HS6ST3: variants seen among roughly 807,000 people sequenced by gnomAD.
HS6ST3 encodes heparan-sulfate 6-O-sulfotransferase 3.
Under a neutral mutation model 36.7 loss-of-function variants are expected in HS6ST3, and 12 were observed. The observed-to-expected ratio is 0.33, with a 90% CI of 0.21 to 0.53. HS6ST3 has a LOEUF of 0.53. HS6ST3 is among the 20% of genes least tolerant of loss of function. The pLI is 0.95. For synonymous variants in HS6ST3, 240 were observed against 257.5 expected (o/e 0.93, Z 0.65); for missense variants, 584 against 640.9 (o/e 0.91, Z 0.96).
At chr13:96,655,248 G>A (rs937416123) in intron 1 of HS6ST3, among the ~76,000 whole-genome samples, 1 of 152,064 alleles carries the variant, frequency 6.6e-6, no homozygotes, top group South Asian at 2.1e-4. Context: ...CTAGAAAGAC[G>A]GTGAACCCCT....
chr13:96,122,130 A>ATTATTATTATTT (rs1374377747), intron 1 of HS6ST3, among the ~76,000 whole-genome samples: 15 of 148,538 alleles, frequency 1.0e-4, no homozygotes, highest in Admixed American at 5.4e-4. Context: ...TATTATTATT[A>ATTATTATTATTT]TTATTACTAT....
chr13:96,321,091 T>C (rs1031147405), intron 1 of HS6ST3, among the ~76,000 whole-genome samples: 2 of 152,188 alleles, frequency 1.3e-5, no homozygotes, highest in Admixed American at 6.5e-5. Flanking sequence ...GCAGCCTTTT[T>C]TTTTTACTTT....
chr13:96,523,177 T>G (rs1360418807), intron 1 of HS6ST3, among the ~76,000 whole-genome samples: 1 of 152,228 alleles, frequency 6.6e-6, no homozygotes, highest in Non-Finnish European at 1.5e-5. Context: ...TTTAAGAATG[T>G]TGAATATTGG....
At chr13:96,109,444 C>CA (rs764737642) in intron 1 of HS6ST3, among the ~76,000 whole-genome samples, 1 of 152,142 alleles carries the variant, frequency 6.6e-6, no homozygotes, top group Non-Finnish European at 1.5e-5. Flanking sequence ...AAGAAGGATG[C>CA]ATTAGAGGAT....
At chr13:96,401,630 G>A (rs4625590) in intron 1 of HS6ST3, among the ~76,000 whole-genome samples, 73,322 of 152,034 alleles carry the variant, frequency 0.48, 18,074 homozygotes, top group Middle Eastern at 0.59. Context: ...GCTGGAGTAT[G>A]GTGGTGCGAT....
At chr13:96,604,715 G>A (rs529093366) in intron 1 of HS6ST3, among the ~76,000 whole-genome samples, 1 of 152,268 alleles carries the variant, frequency 6.6e-6, no homozygotes, top group East Asian at 1.9e-4. Flanking sequence ...ATTAATGTGT[G>A]TGTACATGCA....
chr13:96,203,656 G>A (rs1200339462), intron 1 of HS6ST3, among the ~76,000 whole-genome samples: 3 of 152,274 alleles, frequency 2.0e-5, no homozygotes, highest in South Asian at 2.1e-4. Flanking sequence ...GACTGTTCAC[G>A]TGGGAAGGAT....
intron 1 of HS6ST3, among the ~76,000 whole-genome samples, chr13:96,505,003 C>G (rs1203172497): frequency 6.6e-6 from 1 of 152,144 alleles, no homozygotes; most frequent in Non-Finnish European, 1.5e-5. Flanking sequence ...ACCCAAAATA[C>G]TGTGTTACAC....
intron 1 of HS6ST3, among the ~76,000 whole-genome samples, chr13:96,723,753 T>A (rs1875917475): frequency 6.6e-6 from 1 of 152,360 alleles, no homozygotes; most frequent in East Asian, 1.9e-4. Flanking sequence ...TGATTTTGGT[T>A]TAACCAGCAG....
At chr13:96,242,847 A>T (rs948384056) in intron 1 of HS6ST3, among the ~76,000 whole-genome samples, 1 of 152,228 alleles carries the variant, frequency 6.6e-6, no homozygotes, top group African/African-American at 2.4e-5. Flanking sequence ...ATTCTAAAAA[A>T]ATTGAAATCA....
chr13:96,598,891 G>A (rs577819832), intron 1 of HS6ST3, among the ~76,000 whole-genome samples: 4 of 152,138 alleles, frequency 2.6e-5, no homozygotes, highest in African/African-American at 9.6e-5. Context: ...AAGGAATGCT[G>A]GATTTTATCA....
intron 1 of HS6ST3, among the ~76,000 whole-genome samples, chr13:96,661,781 C>T (rs1213563030): frequency 3.3e-5 from 5 of 152,094 alleles, no homozygotes; most frequent in African/African-American, 1.2e-4. Context: ...CCTTGTGGGT[C>T]CGGTCTATTG....
chr13:96,688,947 A>G (rs1874860871), intron 1 of HS6ST3, among the ~76,000 whole-genome samples: 1 of 152,012 alleles, frequency 6.6e-6, no homozygotes. Context: ...GGTCTTTTCG[A>G]TCACCTCCAT....
intron 1 of HS6ST3, among the ~76,000 whole-genome samples, chr13:96,307,998 TG>T (rs1332463687): frequency 6.6e-6 from 1 of 152,084 alleles, no homozygotes; most frequent in African/African-American, 2.4e-5. Context: ...AGAGAGAAGA[TG>T]AAGAGTCAAG....
intron 1 of HS6ST3, among the ~76,000 whole-genome samples, chr13:96,142,033 C>CAAAA (rs3084964): frequency 3.0e-5 from 3 of 101,144 alleles, no homozygotes; most frequent in African/African-American, 7.9e-5. Context: ...GTGGTCATGG[C>CAAAA]AAAAAAAAAA....
chr13:96,432,232 T>G (rs901981518), intron 1 of HS6ST3, among the ~76,000 whole-genome samples: 19 of 152,312 alleles, frequency 1.2e-4, no homozygotes, highest in South Asian at 2.1e-4. Flanking sequence ...CCTTCAAAAC[T>G]ATGGCTAATG....
At chr13:96,546,906 A>G (rs1490731463) in intron 1 of HS6ST3, among the ~76,000 whole-genome samples, 4 of 152,246 alleles carry the variant, frequency 2.6e-5, no homozygotes, top group Non-Finnish European at 4.4e-5. Flanking sequence ...GGGACAGCAG[A>G]GTCCACAGTT....
At chr13:96,254,830 T>C (rs1191185041) in intron 1 of HS6ST3, among the ~76,000 whole-genome samples, 2 of 152,060 alleles carry the variant, frequency 1.3e-5, no homozygotes, top group Non-Finnish European at 2.9e-5. Flanking sequence ...AAGAAGTAAC[T>C]TCAAGTTGTT....
In HS6ST3 at chr13:96,829,147, A is replaced by G. The variant is rs115477388; in HGVS notation, c.708-3343A>G. On this transcript the variant is annotated intron_variant, in intron 1 of 1. Transcript: ENST00000376705. ...TCTCTTAACCATTCCTTTGAAATCA[A>G]TGTTAAATTTTCTTACCAAAGCCAA... 7.0e-3 allele frequency among the ~76,000 whole-genome samples: 1,071 copies of G among 152,190 alleles called. 9 individuals carry two copies. Among genetic ancestry groups the G allele is most frequent in the African/African-American group, 0.025 (1,031 of 41,538 alleles).
Sources: allele counts gnomAD v4.1 joint callset (sites outside exome capture counted in the v4.1 genomes callset), GRCh38; gene constraint gnomAD v4.1.1; transcripts MANE v1.5; gene names NCBI Gene and HGNC (gene_info 2026-07-23, HGNC 2026-07-21).